CNP: variants seen among roughly 807,000 people sequenced by gnomAD.
The protein encoded by CNP is 2',3'-cyclic nucleotide 3' phosphodiesterase.
Under a neutral mutation model 37.9 loss-of-function variants are expected in CNP, and 8 were observed. The ratio of observed to expected loss-of-function variants is 0.21; its 90% CI spans 0.12 to 0.38. The LOEUF is 0.38. Among genes scored for constraint, CNP ranks in the 10% least tolerant of loss-of-function variants. The pLI, the probability that CNP is intolerant of heterozygous loss-of-function variation, is 1.00. For missense variants in CNP, 457 were observed against 551.0 expected (o/e 0.83, Z 1.71); for synonymous variants, 237 against 238.3 (o/e 0.99, Z 0.05).
chr17:41,972,212 C>T (rs964287378), intron 3 of CNP, among the ~76,000 whole-genome samples, 181 bp downstream of exon 3: 16 of 151,786 alleles, frequency 1.1e-4, no homozygotes, highest in African/African-American at 3.4e-4. Context: ...AGACCTCAGC[C>T]GCAGGTTCTA....
rs1218243451 is a variant in CNP at position 41,976,917 on chromosome 17, T to G, written c.*2993T>G. The G allele has an allele frequency of 3.0e-6, 3 of 1,006,782 alleles. No individual in the cohort carries two copies. The highest frequency in any genetic ancestry group is 1.6e-5 in the African/African-American group (1 of 61,310). The allele number at this position is 1,006,782 out of a possible 1,614,324, so 62.4% of individuals were successfully genotyped here. The stretch of plus-strand genomic sequence containing the variant: ...GGTATCAAACAGCTCAGGCTGTTTT[T>G]GGGTGCAAGAGGGAGCACGTGACTG... On this transcript the variant is annotated 3_prime_UTR_variant, in exon 4 of 4. Transcript: ENST00000393892.
intron 3 of CNP, among the ~76,000 whole-genome samples, chr17:41,973,134 TCTCC>T (rs571602970): frequency 4.1e-4 from 62 of 152,244 alleles, no homozygotes; most frequent in African/African-American, 1.5e-3. Flanking sequence ...AGGCTCTGGT[TCTCC>T]CTGTTTTACG....
At chr17:41,967,674 C>G (rs965193267) in intron 1 of CNP, 39 of 1,035,852 alleles carry the variant, frequency 3.8e-5, no homozygotes, top group Admixed American at 9.9e-5. Context: ...TCCACTCCCC[C>G]CCTTCTCTGT....
intron 1 of CNP, 90 bp from the exon 2 acceptor site, chr17:41,967,978 G>A: frequency 2.6e-6 from 4 of 1,523,954 alleles, no homozygotes; most frequent in Non-Finnish European, 3.5e-6. Context: ...CGCTTGGGAA[G>A]GCACCCACAA....
At position 41,973,880 on chromosome 17, in the gene CNP, G is replaced by C. The variant is rs782800795; in HGVS notation, c.1222G>C (p.Gly408Arg). ...GAAAGGCAAACCTGTGCCCACGCAA[G>C]GTAGCCGGAAGGGGGGCGCCTTGCA... ...YGKGKPVPTQ[G>R]SRKGGALQSC... The change falls in exon 4 of 4, where the codon GGT becomes CGT. Residue 408 changes from glycine to arginine, a missense_variant. By Grantham distance (125) the Gly-to-Arg change is moderately radical. Transcript: ENST00000393892. 8 of 1,571,458 alleles carry C rather than the reference G, an allele frequency of 5.1e-6. No homozygotes were observed. The South Asian group carries it at 9.5e-5, about 19-fold the overall frequency.
chr17:41,969,487 C>T (rs2050952888), intron 2 of CNP, among the ~76,000 whole-genome samples: 1 of 152,278 alleles, frequency 6.6e-6, no homozygotes, highest in South Asian at 2.1e-4. Flanking sequence ...CCTGGAGTGA[C>T]CTGTTGGAGA....
In CNP at chr17:41,973,591, G is replaced by A. The variant is rs367771051; in HGVS notation, c.933G>A (p.Pro311=). 19 of 1,614,100 alleles carry A rather than the reference G, an allele frequency of 1.2e-5. No individual in the cohort carries two copies. In the African/African-American group the frequency reaches 1.2e-4, roughly 10 times the overall value. ...GCGAGCAGCAACTGCAGTTGTGGCC[G>A]AGTGATGTGGACAAGCTGTCACCCA... ...ELSEQQLQLW[P]SDVDKLSPTD... is the part of the protein sequence containing the mutation. Residue 311 remains proline, a synonymous_variant, in exon 4 of 4, where the codon CCG becomes CCA. Transcript: ENST00000393892.
Position 41,977,146 on chromosome 17 carries a change from G to A in CNP, c.*3222G>A, listed in dbSNP as rs1598110106. 2 of 1,049,502 alleles carry A rather than the reference G, an allele frequency of 1.9e-6. No individual in the cohort carries two copies. The highest frequency in any genetic ancestry group is 2.8e-6 in the Non-Finnish European group (2 of 711,200). The allele number at this position is 1,049,502 out of a possible 1,614,324, so 65.0% of individuals were successfully genotyped here. On this transcript the variant is annotated 3_prime_UTR_variant, in exon 4 of 4. Coordinates refer to ENST00000393892, the MANE Select transcript of CNP (RefSeq NM_033133.5). ...CGAGTGGATAGATGCCCTGCTAGAT[G>A]AGAATTCAGCTGCCCCCGCTCATGG... is the stretch of plus-strand genomic sequence containing the variant.
chr17:41,973,768 C>T lies in CNP; in HGVS notation c.1110C>T (p.Gly370=), dbSNP rs745329861. The part of the protein sequence containing the change: ...RGEEVGELSR[G]KLYSLGNGRW... ...AGGAGGTGGGCGAGCTAAGCCGGGG[C>T]AAGCTCTATTCCTTGGGCAATGGGC... The change falls in exon 4 of 4, where the codon GGC becomes GGT. Residue 370 remains glycine, a synonymous_variant. Transcript: ENST00000393892. 1 of 1,612,582 alleles carries T rather than the reference C, an allele frequency of 6.2e-7. No homozygotes were observed. The highest frequency in any genetic ancestry group is 8.5e-7 in the Non-Finnish European group (1 of 1,179,330).
At position 41,972,046 on chromosome 17, in the gene CNP, G is replaced by C. The variant is rs781821664; in HGVS notation, c.816+15G>C. The C allele has an allele frequency of 1.4e-5, 22 of 1,612,496 alleles. No homozygotes were observed. The highest frequency in any genetic ancestry group is 1.7e-5 in the Non-Finnish European group (20 of 1,178,946). ...CTCAACAAGATGTGAGTCTTCCCCA[G>C]GGACACATGGGGGAGGTGGGAGGTT... is the stretch of plus-strand genomic sequence containing the variant. On this transcript the variant is annotated intron_variant, in intron 3 of 3. Transcript: ENST00000393892.
At chr17:41,969,012 G>A (rs923291719) in intron 2 of CNP, among the ~76,000 whole-genome samples, 14 of 152,132 alleles carry the variant, frequency 9.2e-5, no homozygotes, top group African/African-American at 3.4e-4. Context: ...TTCCCAGCCT[G>A]AATGTAGACC....
chr17:41,967,536 C>A, intron 1 of CNP: 1 of 385,522 alleles, frequency 2.6e-6, no homozygotes, highest in Non-Finnish European at 3.6e-6. Flanking sequence ...GGGCCTTTGT[C>A]CAGTGCTCTC....
At position 41,977,171 on chromosome 17, in the gene CNP, G is replaced by A; in HGVS notation, c.*3247G>A. On this transcript the variant is annotated 3_prime_UTR_variant, in exon 4 of 4. Transcript: ENST00000393892. ...GAGAATTCAGCTGCCCCCGCTCATG[G>A]GCCCCTCTGACTCCCAAAGAGCTGC... 7.6e-7 allele frequency: 1 copy of A among 1,312,264 alleles called. No homozygotes were observed. Among genetic ancestry groups the A allele is most frequent in the South Asian group, 1.3e-5 (1 of 77,010 alleles). 81.3% of individuals were successfully genotyped at this position (1,312,264 alleles called of 1,614,324 possible). A position where few individuals can be genotyped will look rare whatever the true frequency, so the allele number is the denominator to read the frequency against.
chr17:41,971,669 A>AT, intron 2 of CNP: 1 of 437,900 alleles, frequency 2.3e-6, no homozygotes, highest in Non-Finnish European at 4.1e-6. Context: ...GAGTGCTGGG[A>AT]TTACAGGTGT....
In CNP at chr17:41,974,177, T is replaced by C. The variant is rs2051038220; in HGVS notation, c.*253T>C. On this transcript the variant is annotated 3_prime_UTR_variant, in exon 4 of 4. Coordinates refer to ENST00000393892, the MANE Select transcript of CNP (RefSeq NM_033133.5). ...GAACCTGGACCAAAGCTGACGAGGC[T>C]GGGCCAAGCCAGGGATGGGGCCACA... is the stretch of plus-strand genomic sequence containing the variant. 3 of 310,872 alleles carry C rather than the reference T, an allele frequency of 9.7e-6. No individual in the cohort carries two copies. The South Asian group carries it at 3.1e-4, about 32-fold the overall frequency. The allele number at this position is 310,872 out of a possible 1,614,324, so 19.3% of individuals were successfully genotyped here. A position where few individuals can be genotyped will look rare whatever the true frequency, so the allele number is the denominator to read the frequency against.
At position 41,968,861 on chromosome 17, in the gene CNP, C is replaced by T. The variant is rs2050942639; in HGVS notation, c.676+121C>T. The T allele has an allele frequency of 8.3e-7, 1 of 1,210,234 alleles. No individual in the cohort carries two copies. The highest frequency in any genetic ancestry group is 1.1e-6 in the Non-Finnish European group (1 of 888,630). 75.0% of individuals were successfully genotyped at this position (1,210,234 alleles called of 1,614,324 possible). On this transcript the variant is annotated intron_variant, in intron 2 of 3. Coordinates refer to ENST00000393892, the MANE Select transcript of CNP (RefSeq NM_033133.5). This position sits in a 1 kb window ranked among gnomAD's most constrained non-coding sequence, Gnocchi z 4.8. ...GCAGCAGGAGGCAGAGAGAGGCTCACCTCAGCGGGGGCAGGGGCAAGCGGT... is the reference window on the plus strand; with the variant it reads ...GCAGCAGGAGGCAGAGAGAGGCTCATCTCAGCGGGGGCAGGGGCAAGCGGT...
chr17:41,968,930 C>A lies in CNP; in HGVS notation c.676+190C>A, dbSNP rs2050944125. On this transcript the variant is annotated intron_variant, in intron 2 of 3. Coordinates refer to ENST00000393892, the MANE Select transcript of CNP (RefSeq NM_033133.5). The surrounding 1 kb of genome is among the most constrained non-coding windows in gnomAD (Gnocchi z 4.8). ...TGGGGAGTTGGCAGCACATTGGGAA[C>A]ACGGGGGCTTCCCAGAGCGCCTTTC... Among the ~76,000 whole-genome samples the A allele has an allele frequency of 6.6e-6, 1 of 152,170 alleles. No individual in the cohort carries two copies. The highest frequency in any genetic ancestry group is 1.5e-5 in the Non-Finnish European group (1 of 68,038).
chr17:41,968,035 C>A lies in CNP; in HGVS notation c.4-33C>A. On this transcript the variant is annotated intron_variant, in intron 1 of 3. Transcript: ENST00000393892. This position sits in a 1 kb window ranked among gnomAD's most constrained non-coding sequence, Gnocchi z 4.8. ...AGGCCGGCGGGGAGCCCGCGAATGA[C>A]CTGGGCTGACATCTCTTCCCCTCCT... The A allele has an allele frequency of 6.3e-7, 1 of 1,586,490 alleles. No individual in the cohort carries two copies. The highest frequency in any genetic ancestry group is 8.6e-7 in the Non-Finnish European group (1 of 1,163,910).
Position 41,976,320 on chromosome 17 carries a change from G to T in CNP, c.*2396G>T. The T allele has an allele frequency of 4.6e-6, 1 of 217,850 alleles. No individual in the cohort carries two copies. Among genetic ancestry groups the T allele is most frequent in the Non-Finnish European group, 9.0e-6 (1 of 111,096 alleles). 13.5% of individuals were successfully genotyped at this position (217,850 alleles called of 1,614,324 possible). On this transcript the variant is annotated 3_prime_UTR_variant, in exon 4 of 4. Transcript: ENST00000393892. Reference sequence around the variant, plus strand: ...CTGGGAGAGGCAGAGTGCCCCACCTGCCACTAGGCTGGGTGCCCACAGCCC... The same window carrying T: ...CTGGGAGAGGCAGAGTGCCCCACCTTCCACTAGGCTGGGTGCCCACAGCCC...
Sources: gnomAD v4.1 joint callset for allele counts (sites outside exome capture counted in the v4.1 genomes callset) on GRCh38, gnomAD v4.1.1 for gene constraint, Gnocchi (gnomAD v3.1) non-coding constraint, MANE v1.5 for transcripts, NCBI Gene and HGNC (gene_info 2026-07-23, HGNC 2026-07-21) for gene names.